The following CCDC169 variants were observed in gnomAD, a reference collection of about 807,000 sequenced individuals.
The protein encoded by CCDC169 is coiled-coil domain containing 169.
CCDC169 carries 30 observed loss-of-function variants against 36.0 expected under a neutral mutation model. That is an observed-to-expected ratio of 0.83 (90% CI 0.62 to 1.13). CCDC169 has a LOEUF of 1.13. CCDC169 is among the 50% of genes most tolerant of loss of function. The pLI is 0.00. For synonymous variants in CCDC169, 85 were observed against 81.5 expected, an observed-to-expected ratio of 1.04 and a Z score of -0.23; for missense variants, 245 against 245.9, an observed-to-expected ratio of 1.00 and a Z score of 0.03.
chr13:36,259,464 C>T (rs1874340186), intron 4 of CCDC169, among the ~76,000 whole-genome samples: 1 of 152,244 alleles, frequency 6.6e-6, no homozygotes, highest in African/African-American at 2.4e-5. Context: ...GGACACTCCA[C>T]AGAGTGAAGC....
At chr13:36,286,774 C>A (rs1040888787) in intron 2 of CCDC169, among the ~76,000 whole-genome samples, 1 of 152,248 alleles carries the variant, frequency 6.6e-6, no homozygotes, top group Admixed American at 6.5e-5. Context: ...GGATTCATCC[C>A]ACACCCTTCA....
At chr13:36,233,003 G>C (rs550539542) in intron 7 of CCDC169, among the ~76,000 whole-genome samples, 3 of 152,264 alleles carry the variant, frequency 2.0e-5, no homozygotes, top group Non-Finnish European at 4.4e-5. Context: ...ACTCAGGAAA[G>C]GCCTGAAAAG....
At chr13:36,279,205 G>A (rs1049851600) in intron 4 of CCDC169, among the ~76,000 whole-genome samples, 4 of 151,980 alleles carry the variant, frequency 2.6e-5, no homozygotes, top group African/African-American at 9.7e-5. Context: ...TCTTCATGGT[G>A]GTTGGGGTGG....
intron 2 of CCDC169, among the ~76,000 whole-genome samples, chr13:36,288,572 A>G (rs771130501): frequency 5.9e-5 from 9 of 152,334 alleles, no homozygotes; most frequent in Non-Finnish European, 1.3e-4. Flanking sequence ...TATTTCTAAA[A>G]TTGTAGAATG....
Position 36,240,925 on chromosome 13 carries a change from T to C in CCDC169, c.545+7681A>G, listed in dbSNP as rs193251737. Among the ~76,000 whole-genome samples the C allele has an allele frequency of 4.8e-4, 73 of 152,172 alleles. 1 individual carries two copies. The East Asian group carries it at 0.012, about 25-fold the overall frequency. On this transcript the variant is annotated intron_variant, in intron 7 of 7. Transcript: ENST00000239859. ...TAATCTTAAAGAGACTTTTGTCCAA[T>C]TGATATATGTAAAGATCTCTAGAAT...
intron 6 of CCDC169, among the ~76,000 whole-genome samples, chr13:36,251,253 A>G (rs1873116119): frequency 6.6e-6 from 1 of 152,202 alleles, no homozygotes. Context: ...TGAATCAATT[A>G]TTTATGTATT....
chr13:36,282,181 C>T (rs1300979216), intron 4 of CCDC169, among the ~76,000 whole-genome samples: 2 of 152,066 alleles, frequency 1.3e-5, no homozygotes, highest in Non-Finnish European at 2.9e-5. Context: ...GATAAAGAAT[C>T]GGGAAATTTA....
At chr13:36,277,870 G>C (rs561234489) in intron 4 of CCDC169, among the ~76,000 whole-genome samples, 2 of 151,678 alleles carry the variant, frequency 1.3e-5, no homozygotes, top group Non-Finnish European at 2.9e-5. Context: ...GCTTGAACCC[G>C]GGAAGCTGAC....
At chr13:36,229,365 C>T (rs1366163460), downstream of CCDC169, among the ~76,000 whole-genome samples, 3 of 152,110 alleles carry the variant, frequency 2.0e-5, no homozygotes, top group East Asian at 5.8e-4. Context: ...CAAAGTAGCT[C>T]CTGCAGAACC....
Position 36,272,152 on chromosome 13 carries a change from T to C in CCDC169, c.315+11317A>G, listed in dbSNP as rs115839390. Among the ~76,000 whole-genome samples the C allele has an allele frequency of 4.1e-3, 616 of 149,458 alleles. 9 individuals are homozygous for C. Among genetic ancestry groups the C allele is most frequent in the African/African-American group, 0.015 (595 of 40,786 alleles). On this transcript the variant is annotated intron_variant, in intron 4 of 7. Coordinates refer to ENST00000239859, the MANE Select transcript of CCDC169 (RefSeq NM_001144981.3). Reference sequence around the variant, plus strand: ...AAATAAAACTACACATTAGGGACAATGTACACTACTTGGGTGATGGGTGCA... The same window carrying C: ...AAATAAAACTACACATTAGGGACAACGTACACTACTTGGGTGATGGGTGCA...
In CCDC169 at chr13:36,231,272, T is replaced by C. The variant is rs1298357442; in HGVS notation, c.566A>G (p.Lys189Arg). 1.3e-6 allele frequency: 2 copies of C among 1,551,406 alleles called. No individual in the cohort carries two copies. Among genetic ancestry groups the C allele is most frequent in the Admixed American group, 2.0e-5 (1 of 50,994 alleles). ...LVKTGRYNPAKQKTVSAKRGP... is the reference protein window; with the variant it reads ...LVKTGRYNPARQKTVSAKRGP... ...TCTCTTGGCACTCACTGTCTTCTGCTTAGCTGGATTATATCTTCCACTGAA... is the reference window on the plus strand; with the variant it reads ...TCTCTTGGCACTCACTGTCTTCTGCCTAGCTGGATTATATCTTCCACTGAA... The change falls in exon 8 of 8, where the codon AAG becomes AGG. Residue 189 changes from lysine to arginine, a missense_variant. Coordinates refer to ENST00000239859, the MANE Select transcript of CCDC169 (RefSeq NM_001144981.3).
intron 2 of CCDC169, among the ~76,000 whole-genome samples, chr13:36,290,050 T>C (rs934137358): frequency 9.2e-5 from 14 of 152,332 alleles, no homozygotes; most frequent in African/African-American, 3.4e-4. Context: ...TCAGGTGTTA[T>C]TAACTAATCC....
chr13:36,267,087 C>T (rs1239629978), intron 4 of CCDC169: 1 of 152,200 alleles, frequency 6.6e-6, no homozygotes, highest in Non-Finnish European at 1.5e-5. Flanking sequence ...TAGTAAAGGA[C>T]AGTGAGAGAA....
At chr13:36,241,946 C>T (rs559523489) in intron 7 of CCDC169, among the ~76,000 whole-genome samples, 4 of 152,042 alleles carry the variant, frequency 2.6e-5, no homozygotes, top group African/African-American at 4.8e-5. Flanking sequence ...TGGGTTCTCA[C>T]GAAATCTGGT....
chr13:36,253,340 CTT>C (rs368617005), intron 6 of CCDC169, among the ~76,000 whole-genome samples: 64 of 145,222 alleles, frequency 4.4e-4, no homozygotes, highest in South Asian at 1.5e-3. Context: ...GTCCTTTTTA[CTT>C]TTTTTTTTTT....
At chr13:36,285,809 A>T (rs980057596) in intron 2 of CCDC169, among the ~76,000 whole-genome samples, 3 of 152,274 alleles carry the variant, frequency 2.0e-5, no homozygotes. Context: ...GATAGACACC[A>T]AAACAAGACA....
intron 7 of CCDC169, among the ~76,000 whole-genome samples, chr13:36,242,280 A>G (rs68013303): frequency 0.22 from 33,331 of 152,062 alleles, 4,017 homozygotes; most frequent in East Asian, 0.44. Flanking sequence ...GGAATCATCA[A>G]TCTTCAAAAT....
At chr13:36,222,104 C>T (rs1457458455) in exon 7 of CCDC169, 1 of 152,102 alleles carries the variant, frequency 6.6e-6, no homozygotes, top group African/African-American at 2.4e-5. Flanking sequence ...GATTTAGCTT[C>T]TTACTGTGAA....
intron 4 of CCDC169, among the ~76,000 whole-genome samples, chr13:36,258,074 C>G (rs543947747): frequency 1.5e-4 from 20 of 132,184 alleles, no homozygotes; most frequent in African/African-American, 5.1e-4. Flanking sequence ...TTGAAAGCCT[C>G]TGCAGAATTT....
Sources: allele counts gnomAD v4.1 joint callset (sites outside exome capture counted in the v4.1 genomes callset), GRCh38; gene constraint gnomAD v4.1.1; transcripts MANE v1.5; gene names NCBI Gene and HGNC (gene_info 2026-07-23, HGNC 2026-07-21).